The following ADAM12 variants were observed in gnomAD, a reference collection of about 807,000 sequenced individuals.
ADAM12 encodes disintegrin and metalloproteinase domain-containing protein 12.
Under a neutral mutation model 106.4 loss-of-function variants are expected in ADAM12, and 70 were observed. The ratio of observed to expected loss-of-function variants is 0.66; its 90% CI spans 0.54 to 0.80. ADAM12 has a LOEUF of 0.80. ADAM12 is among the 30% of genes least tolerant of loss of function. The pLI is 0.00. For missense variants in ADAM12, 1,010 were observed against 1,171.9 expected, an observed-to-expected ratio of 0.86 and a Z score of 2.02; for synonymous variants, 420 against 433.5, an observed-to-expected ratio of 0.97 and a Z score of 0.39.
intron 1 of ADAM12, among the ~76,000 whole-genome samples, chr10:126,372,616 C>G (rs1856149772): frequency 6.6e-6 from 1 of 152,178 alleles, no homozygotes; most frequent in Non-Finnish European, 1.5e-5. Context: ...GGGAGATAAG[C>G]TGAAGAAATC....
At chr10:126,115,445 C>T (rs138259360) in intron 6 of ADAM12, among the ~76,000 whole-genome samples, 8 of 152,260 alleles carry the variant, frequency 5.3e-5, no homozygotes, top group African/African-American at 1.4e-4. Context: ...ACAGAGAGAA[C>T]GAGCTGACTG....
At chr10:126,125,610 T>TGAGGAAATA (rs768805257) in intron 5 of ADAM12, among the ~76,000 whole-genome samples, 3 of 151,988 alleles carry the variant, frequency 2.0e-5, no homozygotes, top group Non-Finnish European at 4.4e-5. Context: ...CCCATTTTAC[T>TGAGGAAATA]AATGAGGAAA....
At chr10:126,055,864 G>A (rs943302074) in intron 14 of ADAM12, among the ~76,000 whole-genome samples, 6 of 152,164 alleles carry the variant, frequency 3.9e-5, no homozygotes, top group Non-Finnish European at 5.9e-5. Context: ...CCTGGGTCAC[G>A]GCCTACCCCC....
intron 14 of ADAM12, among the ~76,000 whole-genome samples, chr10:126,055,756 T>G (rs1413379434): frequency 6.6e-6 from 1 of 152,210 alleles, no homozygotes; most frequent in African/African-American, 2.4e-5. Flanking sequence ...CAGCTGCTCA[T>G]GGAGTCAACA....
chr10:126,137,469 C>A (rs1049368759), intron 4 of ADAM12, among the ~76,000 whole-genome samples: 3 of 152,208 alleles, frequency 2.0e-5, no homozygotes, highest in Admixed American at 2.0e-4. Context: ...ATTATATACT[C>A]ATCACCACTA....
rs138079693 is a variant in ADAM12 at position 126,371,020 on chromosome 10, G to A, written c.88+17038C>T. Among the ~76,000 whole-genome samples, 252 of 152,276 alleles carry A rather than the reference G, an allele frequency of 1.7e-3. 1 individual carries two copies. Among genetic ancestry groups the A allele is most frequent in the African/African-American group, 5.7e-3 (235 of 41,552 alleles). On this transcript the variant is annotated intron_variant, in intron 1 of 22. Coordinates refer to ENST00000448723, the MANE Select transcript of ADAM12 (RefSeq NM_001288973.2). ...CCGGTGTCATCACTATTAGTTATTC[G>A]TGTAAGTCCCATTTCTAGTATATTC...
intron 3 of ADAM12, among the ~76,000 whole-genome samples, chr10:126,161,441 G>A (rs143835682): frequency 6.6e-6 from 1 of 152,296 alleles, no homozygotes; most frequent in African/African-American, 2.4e-5. Flanking sequence ...CCACTGTGTG[G>A]CGCTACCAGA....
rs552045616 is a variant in ADAM12 at position 126,043,883 on chromosome 10, C to T, written c.1996-735G>A. 1.1e-4 allele frequency among the ~76,000 whole-genome samples: 16 copies of T among 152,210 alleles called. No individual in the cohort carries two copies. Among genetic ancestry groups the T allele is most frequent in the African/African-American group, 3.4e-4 (14 of 41,532 alleles). On this transcript the variant is annotated intron_variant, in intron 17 of 22. Coordinates refer to ENST00000448723, the MANE Select transcript of ADAM12 (RefSeq NM_001288973.2). This position sits in a 1 kb window ranked among gnomAD's most constrained non-coding sequence, Gnocchi z 4.1. ...AAATAAGAGAATGGTTCTGGCACGG[C>T]GGGAAAGGGAGACCAAGAAAGCCCG...
chr10:126,023,918 A>T (rs1306003968), intron 21 of ADAM12, among the ~76,000 whole-genome samples: 1 of 152,066 alleles, frequency 6.6e-6, no homozygotes. Flanking sequence ...GAAAAAAAAA[A>T]AAAAGCATAC....
intron 3 of ADAM12, among the ~76,000 whole-genome samples, chr10:126,266,607 G>A (rs977502135): frequency 6.6e-6 from 1 of 152,182 alleles, no homozygotes; most frequent in Admixed American, 6.5e-5. Flanking sequence ...TTCTCGCACT[G>A]TTACAAAGAA....
intron 3 of ADAM12, among the ~76,000 whole-genome samples, chr10:126,236,101 A>G (rs1321910998): frequency 6.6e-6 from 1 of 152,204 alleles, no homozygotes; most frequent in African/African-American, 2.4e-5. Flanking sequence ...GCGCGGAAGG[A>G]GGAAGAACAC....
intron 2 of ADAM12, among the ~76,000 whole-genome samples, chr10:126,305,712 T>A (rs1960815450): frequency 6.6e-6 from 1 of 152,100 alleles, no homozygotes; most frequent in South Asian, 2.1e-4. Context: ...CAAATTTCTA[T>A]GGTATATATT....
chr10:126,017,371 A>G, intron 22 of ADAM12, 32 bp from the exon 23 acceptor site: 1 of 1,540,450 alleles, frequency 6.5e-7, no homozygotes, highest in Non-Finnish European at 8.8e-7. Flanking sequence ...AAAAATGATC[A>G]GAGACCTTGA....
At chr10:126,168,847 G>A (rs1027160188) in intron 3 of ADAM12, among the ~76,000 whole-genome samples, 2 of 152,130 alleles carry the variant, frequency 1.3e-5, no homozygotes, top group African/African-American at 4.8e-5. Flanking sequence ...GAGGTCAGGA[G>A]TTCGAGACCA....
chr10:126,162,809 C>G (rs945657973), intron 3 of ADAM12, among the ~76,000 whole-genome samples: 11 of 152,270 alleles, frequency 7.2e-5, no homozygotes, highest in Admixed American at 4.6e-4. Context: ...AGAGAAGAGA[C>G]ATGAGTTCAG....
intron 1 of ADAM12, among the ~76,000 whole-genome samples, chr10:126,386,352 T>C (rs1489634195): frequency 6.6e-6 from 1 of 152,198 alleles, no homozygotes; most frequent in Non-Finnish European, 1.5e-5. Flanking sequence ...TTCCTCCTTT[T>C]CTCTTGCCAA....
intron 17 of ADAM12, among the ~76,000 whole-genome samples, chr10:126,045,725 G>A (rs987474634): frequency 6.6e-6 from 1 of 152,200 alleles, no homozygotes; most frequent in Non-Finnish European, 1.5e-5. Flanking sequence ...CTGAATGTTG[G>A]TAGTAAGAGG....
At chr10:126,204,308 A>G (rs1159970144) in intron 3 of ADAM12, among the ~76,000 whole-genome samples, 1 of 152,188 alleles carries the variant, frequency 6.6e-6, no homozygotes, top group South Asian at 2.1e-4. Context: ...TTGGGTGAAG[A>G]TGTGATGCTT....
intron 11 of ADAM12, among the ~76,000 whole-genome samples, chr10:126,088,658 C>T (rs1418650079): frequency 1.3e-5 from 2 of 151,304 alleles, no homozygotes; most frequent in African/African-American, 2.4e-5. Context: ...TGCAGTAAGC[C>T]GAGACTGTGT....
Sources: gnomAD v4.1 joint callset for allele counts (sites outside exome capture counted in the v4.1 genomes callset) on GRCh38, gnomAD v4.1.1 for gene constraint, Gnocchi (gnomAD v3.1) non-coding constraint, MANE v1.5 for transcripts, NCBI Gene and HGNC (gene_info 2026-07-23, HGNC 2026-07-21) for gene names.